Variants in KIFC3 observed in about 807,000 individuals in gnomAD.
The protein encoded by KIFC3 is kinesin family member C3, also known as kinesin-like protein KIFC3.
KIFC3 carries 60 observed loss-of-function variants against 101.8 expected under a neutral mutation model. That is an observed-to-expected ratio of 0.59 (90% CI 0.48 to 0.73). KIFC3 has a LOEUF of 0.73. Ranked by LOEUF, KIFC3 falls within the 30% of genes least tolerant of loss-of-function variation. The pLI is 0.00. For synonymous variants in KIFC3, 476 were observed against 482.7 expected, an observed-to-expected ratio of 0.99 and a Z score of 0.18; for missense variants, 966 against 1,137.1, an observed-to-expected ratio of 0.85 and a Z score of 2.16.
chr16:57,786,899 GC>G (rs1186565323), intron 3 of KIFC3, among the ~76,000 whole-genome samples: 18 of 152,218 alleles, frequency 1.2e-4, no homozygotes, highest in African/African-American at 2.6e-4. Context: ...ATAGCTACAG[GC>G]CCCCCCAACC....
intron 1 of KIFC3, among the ~76,000 whole-genome samples, chr16:57,814,301 G>C (rs1377878941): frequency 2.0e-5 from 3 of 152,158 alleles, no homozygotes; most frequent in African/African-American, 7.2e-5. Context: ...CTAGTCAGAA[G>C]TTCCCCAGGA....
Position 57,765,563 on chromosome 16 carries a change from TCA to T in KIFC3, c.1406_1407del (p.Val469AspfsTer49). On this transcript the variant is annotated frameshift_variant, in exon 11 of 20. Transcript: ENST00000445690. LOFTEE classifies it high-confidence loss of function. ...ATGGAGTCGTCGTCGGCATCGAAAG[TCA>T]CAGCATTGGTGGCCTCAGGTCCTTC... is the stretch of plus-strand genomic sequence containing the variant. ...DGEGPEATNA[V>X]TFDADDDSII... The T allele has an allele frequency of 1.2e-6, 2 of 1,608,992 alleles. No homozygotes were observed. Among genetic ancestry groups the T allele is most frequent in the Non-Finnish European group, 1.7e-6 (2 of 1,177,548 alleles).
intron 12 of KIFC3, among the ~76,000 whole-genome samples, chr16:57,762,836 C>T (rs575688699): frequency 2.0e-4 from 30 of 152,330 alleles, no homozygotes; most frequent in East Asian, 1.7e-3. Context: ...CTCTCTATTC[C>T]GGCCACAGGG....
intron 10 of KIFC3, among the ~76,000 whole-genome samples, chr16:57,766,511 G>A (rs1296073059): frequency 1.3e-5 from 2 of 152,200 alleles, no homozygotes; most frequent in Non-Finnish European, 2.9e-5. Context: ...AGAGCTCCAT[G>A]CAGTGAATGG....
intron 3 of KIFC3, among the ~76,000 whole-genome samples, chr16:57,786,026 C>A (rs1257835358): frequency 6.6e-6 from 1 of 152,206 alleles, no homozygotes; most frequent in Non-Finnish European, 1.5e-5. Context: ...GATTCTCACC[C>A]TAGAAAACTC....
intron 12 of KIFC3, among the ~76,000 whole-genome samples, chr16:57,762,782 G>A (rs1280926195): frequency 2.0e-5 from 3 of 152,120 alleles, no homozygotes; most frequent in African/African-American, 7.2e-5. Context: ...TCGAGGCCCT[G>A]GGAGCCTGGC....
At chr16:57,790,811 CCAATA>C (rs1490666429) in intron 3 of KIFC3, 1 of 595,292 alleles carries the variant, frequency 1.7e-6, no homozygotes, top group African/African-American at 2.0e-5. Context: ...AATCAAAAAG[CCAATA>C]CAGATAATTG....
At chr16:57,808,880 C>G (rs969638831) in intron 1 of KIFC3, among the ~76,000 whole-genome samples, 1 of 152,194 alleles carries the variant, frequency 6.6e-6, no homozygotes, top group Admixed American at 6.5e-5. Context: ...TTGGAGCAAG[C>G]ACATAGCACC....
chr16:57,828,974 C>G (rs1333444296), intron 1 of KIFC3, among the ~76,000 whole-genome samples: 6 of 152,076 alleles, frequency 3.9e-5, no homozygotes, highest in Non-Finnish European at 7.4e-5. Context: ...AAACTGAGGC[C>G]CAAAAAGTCA....
intron 1 of KIFC3, among the ~76,000 whole-genome samples, chr16:57,826,795 T>C (rs2055466737): frequency 6.6e-6 from 1 of 152,184 alleles, no homozygotes; most frequent in African/African-American, 2.4e-5. Context: ...CAGTTCTGAT[T>C]CCAAAAGTCA....
chr16:57,800,574 G>A (rs540374995), intron 1 of KIFC3, among the ~76,000 whole-genome samples: 1 of 152,208 alleles, frequency 6.6e-6, no homozygotes, highest in Non-Finnish European at 1.5e-5. Flanking sequence ...CTCCACAGTG[G>A]ACAGAGAAGA....
intron 1 of KIFC3, among the ~76,000 whole-genome samples, chr16:57,857,822 CTTTTTTTTTT>C (rs57102595): frequency 1.1e-5 from 1 of 92,786 alleles, no homozygotes; most frequent in Non-Finnish European, 1.9e-5. Flanking sequence ...TTCTTTCTTT[CTTTTTTTTTT>C]TTTTTTTTTT....
At chr16:57,789,637 AG>A (rs1248139225) in intron 3 of KIFC3, among the ~76,000 whole-genome samples, 1 of 152,250 alleles carries the variant, frequency 6.6e-6, no homozygotes, top group African/African-American at 2.4e-5. Context: ...ACGTGAGAAG[AG>A]GGGAAAGGAG....
At chr16:57,759,383 A>AG in intron 18 of KIFC3, 1 of 603,382 alleles carries the variant, frequency 1.7e-6, no homozygotes, top group Non-Finnish European at 2.9e-6. Flanking sequence ...AGGCACAGGG[A>AG]GGGGGCTGCA....
chr16:57,859,980 C>T (rs1053099343), intron 1 of KIFC3, among the ~76,000 whole-genome samples: 3 of 145,876 alleles, frequency 2.1e-5, no homozygotes, highest in African/African-American at 7.4e-5. Context: ...TGAGATCGTG[C>T]CACTGCACTC....
chr16:57,805,996 C>T (rs2054927872), upstream of KIFC3, among the ~76,000 whole-genome samples: 3 of 152,138 alleles, frequency 2.0e-5, no homozygotes. Context: ...GCCTCAACCT[C>T]CCAAAGTGCT....
intron 12 of KIFC3, 89 bp downstream of exon 12, chr16:57,764,054 C>A: frequency 1.1e-6 from 1 of 915,288 alleles, no homozygotes; most frequent in Non-Finnish European, 1.8e-6. Context: ...AGGCAAAACA[C>A]ACACTGCACA....
intron 3 of KIFC3, among the ~76,000 whole-genome samples, chr16:57,780,894 C>T (rs1291385996): frequency 3.3e-5 from 5 of 151,956 alleles, no homozygotes; most frequent in South Asian, 2.1e-4. Context: ...AGGCTGGTCT[C>T]GAACTCCTGA....
chr16:57,838,851 A>G (rs1243393869), intron 1 of KIFC3, among the ~76,000 whole-genome samples: 1 of 152,096 alleles, frequency 6.6e-6, no homozygotes, highest in Non-Finnish European at 1.5e-5. Context: ...GTGTGTGGAA[A>G]TCAAACAACA....
Sources: allele counts gnomAD v4.1 joint callset (sites outside exome capture counted in the v4.1 genomes callset), GRCh38; gene constraint gnomAD v4.1.1; transcripts MANE v1.5; gene names NCBI Gene and HGNC (gene_info 2026-07-23, HGNC 2026-07-21).